Variants in FUBP3 observed in about 807,000 individuals in gnomAD.
The protein encoded by FUBP3 is far upstream element-binding protein 3.
In FUBP3, 28 loss-of-function variants were observed where a neutral mutation model predicts 85.6. The ratio of observed to expected loss-of-function variants is 0.33; its 90% CI spans 0.24 to 0.45. FUBP3 has a LOEUF of 0.45. Ranked by LOEUF, FUBP3 falls within the 20% of genes least tolerant of loss-of-function variation. The pLI, the probability that FUBP3 is intolerant of heterozygous loss-of-function variation, is 1.00. For missense variants in FUBP3, 583 were observed against 755.1 expected (o/e 0.77, Z 2.67); for synonymous variants, 271 against 271.4 (o/e 1.00, Z 0.01).
At chr9:130,633,279 T>C (rs988704676) in intron 16 of FUBP3, among the ~76,000 whole-genome samples, 3 of 152,266 alleles carry the variant, frequency 2.0e-5, no homozygotes, top group African/African-American at 7.2e-5. Flanking sequence ...TCAAATATCT[T>C]AGAACACTCT....
intron 8 of FUBP3, among the ~76,000 whole-genome samples, 171 bp downstream of exon 8, chr9:130,618,066 A>C (rs1832097982): frequency 6.6e-6 from 1 of 152,236 alleles, no homozygotes; most frequent in Non-Finnish European, 1.5e-5. Flanking sequence ...TGTGCTGCCC[A>C]AAACCAGAGT....
In FUBP3 at chr9:130,614,432, C is replaced by T. The variant is rs187968425; in HGVS notation, c.404+87C>T. On this transcript the variant is annotated intron_variant, in intron 6 of 18. Coordinates refer to ENST00000319725, the MANE Select transcript of FUBP3 (RefSeq NM_003934.2). ...ATGGAAGGGCAACACTGTTACTGAA[C>T]ACTGAGTCTGTGCTGCAGTCTGGCC... is the stretch of plus-strand genomic sequence containing the variant. The T allele has an allele frequency of 6.1e-4, 501 of 816,482 alleles. 1 individual carries two copies. The highest frequency in any genetic ancestry group is 1.9e-3 in the Admixed American group (101 of 53,520). The allele number at this position is 816,482 out of a possible 1,614,324, so 50.6% of individuals were successfully genotyped here.
chr9:130,610,671 C>T (rs555688988), intron 3 of FUBP3, among the ~76,000 whole-genome samples: 1 of 152,224 alleles, frequency 6.6e-6, no homozygotes, highest in Admixed American at 6.5e-5. Context: ...CACAGTTTCT[C>T]TTCTGGAAGG....
chr9:130,624,637 G>A (rs1829894000), intron 11 of FUBP3, among the ~76,000 whole-genome samples: 1 of 150,426 alleles, frequency 6.6e-6, no homozygotes, highest in African/African-American at 2.5e-5. Flanking sequence ...GTGTGTGTGT[G>A]TGTGTGTGTG....
chr9:130,599,518 C>T (rs953844727), intron 2 of FUBP3, among the ~76,000 whole-genome samples: 3 of 152,004 alleles, frequency 2.0e-5, no homozygotes, highest in African/African-American at 4.8e-5. Context: ...CTTGTCAGAA[C>T]GCTGTTCATG....
chr9:130,608,926 A>G (rs144930273), intron 2 of FUBP3, among the ~76,000 whole-genome samples: 85 of 152,284 alleles, frequency 5.6e-4, no homozygotes, highest in African/African-American at 2.0e-3. Context: ...ATTCAGATGG[A>G]GTTCAATTGT....
At chr9:130,595,612 C>A in intron 2 of FUBP3, 24 bp downstream of exon 2, 1 of 1,046,588 alleles carries the variant, frequency 9.6e-7, no homozygotes, top group Non-Finnish European at 1.5e-6. Flanking sequence ...AATATCTTTG[C>A]CTTTCAGGTG....
At position 130,584,737 on chromosome 9, in the gene FUBP3, C is replaced by A. The variant is rs184274964; in HGVS notation, c.84+4973C>A. On this transcript the variant is annotated intron_variant, in intron 1 of 18. Coordinates refer to ENST00000319725, the MANE Select transcript of FUBP3 (RefSeq NM_003934.2). ...TACAAAAATTAGCTGGGCGTGGTGG[C>A]ACATGTCTGTAATCCCAGCTACTCT... 2.2e-3 allele frequency among the ~76,000 whole-genome samples: 340 copies of A among 151,976 alleles called. 1 individual carries two copies. The highest frequency in any genetic ancestry group is 7.7e-3 in the African/African-American group (321 of 41,432).
intron 2 of FUBP3, chr9:130,596,660 T>C: frequency 2.2e-6 from 1 of 453,648 alleles, no homozygotes. Context: ...CCATGCCTCC[T>C]AGTACGTTTT....
chr9:130,628,605 G>T (rs750571835), intron 12 of FUBP3, among the ~76,000 whole-genome samples: 13 of 152,152 alleles, frequency 8.5e-5, no homozygotes, highest in Non-Finnish European at 1.9e-4. Flanking sequence ...GGGGAGGGCC[G>T]GGGCCTCGGC....
rs1208555343 is a variant in FUBP3 at position 130,599,383 on chromosome 9, G to GTA, written c.190+3809_190+3810dup. Among the ~76,000 whole-genome samples the GTA allele has an allele frequency of 8.1e-3, 1,156 of 142,746 alleles. 15 individuals are homozygous for GTA. Among genetic ancestry groups the GTA allele is most frequent in the Non-Finnish European group, 0.014 (895 of 65,690 alleles). 93.6% of individuals were successfully genotyped at this position (142,746 alleles called of 152,430 possible). A position where few individuals can be genotyped will look rare whatever the true frequency, so the allele number is the denominator to read the frequency against. ...TATGTGTGTGTGTGTGTGTGTGTGT[G>GTA]TATATATATATATATGTAAAGTTTT... On this transcript the variant is annotated intron_variant, in intron 2 of 18. Transcript: ENST00000319725.
chr9:130,624,951 G>A (rs1197082840), intron 11 of FUBP3, among the ~76,000 whole-genome samples: 1 of 152,178 alleles, frequency 6.6e-6, no homozygotes, highest in Non-Finnish European at 1.5e-5. Flanking sequence ...TGGACGTGGT[G>A]GCTCACGCCT....
rs114584701 is a variant in FUBP3, at chr9:130,606,442, G to A, written c.191-3512G>A. 6.8e-3 allele frequency among the ~76,000 whole-genome samples: 1,036 copies of A among 152,298 alleles called. 14 individuals are homozygous for A. The highest frequency in any genetic ancestry group is 0.023 in the African/African-American group (943 of 41,546). On this transcript the variant is annotated intron_variant, in intron 2 of 18. Coordinates refer to ENST00000319725, the MANE Select transcript of FUBP3 (RefSeq NM_003934.2). ...CTCTGGCCAGTGGTTCCGTGTGGGT[G>A]CCAGCCCGTGCTGGCTGTGCTGTCG...
intron 13 of FUBP3, chr9:130,631,244 A>G: frequency 4.6e-6 from 6 of 1,295,000 alleles, no homozygotes; most frequent in Non-Finnish European, 5.9e-6. Flanking sequence ...GGGACGTAGA[A>G]TGGCAGAAAG....
chr9:130,579,824 G>C (rs1321792991), intron 1 of FUBP3, 60 bp downstream of exon 1: 1 of 1,058,194 alleles, frequency 9.5e-7, no homozygotes, highest in East Asian at 3.2e-5. Context: ...GGCGGGCGGG[G>C]AAGAGGGGTT....
chr9:130,605,448 G>A (rs1261566741), intron 2 of FUBP3, among the ~76,000 whole-genome samples: 1 of 152,254 alleles, frequency 6.6e-6, no homozygotes, highest in Non-Finnish European at 1.5e-5. Flanking sequence ...GGAAGATGAA[G>A]GGGTACAGAG....
chr9:130,625,934 G>C (rs1829952924), intron 11 of FUBP3, among the ~76,000 whole-genome samples: 1 of 152,186 alleles, frequency 6.6e-6, no homozygotes, highest in Non-Finnish European at 1.5e-5. Flanking sequence ...TGGTTGGGGA[G>C]GGTCAGCAGG....
At chr9:130,614,532 C>T (rs552108023) in intron 6 of FUBP3, among the ~76,000 whole-genome samples, 187 bp downstream of exon 6, 215 of 152,280 alleles carry the variant, frequency 1.4e-3, no homozygotes, top group Non-Finnish European at 2.3e-3. Flanking sequence ...CTTAAATACA[C>T]GAGATATCAC....
rs1407642769 is a variant in FUBP3 at position 130,635,354 on chromosome 9, A to G, written c.1582+616A>G. Among the ~76,000 whole-genome samples, 1 of 152,066 alleles carries G rather than the reference A, an allele frequency of 6.6e-6. No homozygotes were observed. Among genetic ancestry groups the G allele is most frequent in the Non-Finnish European group, 1.5e-5 (1 of 68,004 alleles). ...TCGGGATATATCCCACGATTACTAG[A>G]CCGGAGGACTGAGGGCTTGTTTAAA... On this transcript the variant is annotated intron_variant, in intron 17 of 18. Coordinates refer to ENST00000319725, the MANE Select transcript of FUBP3 (RefSeq NM_003934.2). This position sits in a 1 kb window ranked among gnomAD's most constrained non-coding sequence, Gnocchi z 4.3.
Sources: allele counts gnomAD v4.1 joint callset (sites outside exome capture counted in the v4.1 genomes callset), GRCh38; gene constraint gnomAD v4.1.1; non-coding constraint Gnocchi (gnomAD v3.1); transcripts MANE v1.5; gene names NCBI Gene and HGNC (gene_info 2026-07-23, HGNC 2026-07-21).